PRKCA: variants seen among roughly 807,000 people sequenced by gnomAD.
The protein encoded by PRKCA is protein kinase C alpha.
PRKCA carries 27 observed loss-of-function variants against 87.0 expected under a neutral mutation model. The observed-to-expected ratio is 0.31, with a 90% CI of 0.23 to 0.43. The LOEUF is 0.43. Ranked by LOEUF, PRKCA falls within the 20% of genes least tolerant of loss-of-function variation. The probability of loss-of-function intolerance (pLI) is 1.00; values close to 1 mark genes in which losing one functional copy is unlikely to be tolerated. For missense variants in PRKCA, 518 were observed against 852.3 expected, an observed-to-expected ratio of 0.61 and a Z score of 4.88; for synonymous variants, 329 against 311.1, an observed-to-expected ratio of 1.06 and a Z score of -0.61.
At chr17:66,592,343 C>CAAAAAAAAAAAAAAAAAAAAA (rs71160581) in intron 3 of PRKCA, among the ~76,000 whole-genome samples, 2 of 82,360 alleles carry the variant, frequency 2.4e-5, no homozygotes, top group African/African-American at 5.8e-5. Flanking sequence ...TGATCCGTCT[C>CAAAAAAAAAAAAAAAAAAAAA]AAAAAAAAAA....
chr17:66,636,639 G>A (rs963964368), intron 3 of PRKCA, among the ~76,000 whole-genome samples: 2 of 152,216 alleles, frequency 1.3e-5, no homozygotes, highest in Non-Finnish European at 2.9e-5. Flanking sequence ...TGGGCACCTT[G>A]AAGTTTGCTC....
intron 3 of PRKCA, among the ~76,000 whole-genome samples, chr17:66,590,291 C>A (rs1341592000): frequency 6.6e-6 from 1 of 152,144 alleles, no homozygotes; most frequent in East Asian, 1.9e-4. Context: ...TAACATGATT[C>A]CCTTGACTAA....
chr17:66,430,030 T>G (rs1291404178), intron 2 of PRKCA, among the ~76,000 whole-genome samples: 1 of 152,132 alleles, frequency 6.6e-6, no homozygotes, highest in East Asian at 1.9e-4. Context: ...ACTCTTTATA[T>G]GATAGAGAAA....
rs140362200 is a variant in PRKCA at position 66,464,033 on chromosome 17, A to C, written c.206-32168A>C. Among the ~76,000 whole-genome samples the C allele has an allele frequency of 4.6e-5, 7 of 152,322 alleles. No homozygotes were observed. The East Asian group carries it at 1.4e-3, about 29-fold the overall frequency. On this transcript the variant is annotated intron_variant, in intron 2 of 16. Coordinates refer to ENST00000413366, the MANE Select transcript of PRKCA (RefSeq NM_002737.3). Reference sequence around the variant, plus strand: ...AGATCTTCTATGCTCCACCAATAGAAGATCCCTTTTTCTTCCAACCCTTAG... The same window carrying C: ...AGATCTTCTATGCTCCACCAATAGACGATCCCTTTTTCTTCCAACCCTTAG...
chr17:66,683,605 T>G (rs937073661), intron 5 of PRKCA, among the ~76,000 whole-genome samples: 15 of 150,070 alleles, frequency 1.0e-4, no homozygotes, highest in East Asian at 2.0e-4. Flanking sequence ...TATCTTTTTT[T>G]GGGGGGGTCG....
At chr17:66,797,076 G>T in intron 16 of PRKCA, 1 of 827,224 alleles carries the variant, frequency 1.2e-6, no homozygotes, top group Non-Finnish European at 1.5e-6. Flanking sequence ...TATTCTACAT[G>T]ACTGAGACGC....
chr17:66,325,402 G>C (rs1161180208), intron 2 of PRKCA, among the ~76,000 whole-genome samples: 1 of 152,122 alleles, frequency 6.6e-6, no homozygotes, highest in Non-Finnish European at 1.5e-5. Context: ...TTGCTTTCAT[G>C]GTCTTTTACA....
intron 8 of PRKCA, chr17:66,703,461 C>G (rs1172399489): frequency 6.6e-6 from 1 of 152,036 alleles, no homozygotes; most frequent in African/African-American, 2.4e-5. Flanking sequence ...GAAGGCTCTG[C>G]CTAAGGCTGT....
intron 3 of PRKCA, among the ~76,000 whole-genome samples, chr17:66,510,092 G>C (rs563413694): frequency 6.6e-6 from 1 of 152,124 alleles, no homozygotes; most frequent in Non-Finnish European, 1.5e-5. Context: ...GCAGAAAAGA[G>C]GGATGAGGAA....
chr17:66,450,000 G>A (rs1860009806), intron 2 of PRKCA, among the ~76,000 whole-genome samples: 2 of 151,870 alleles, frequency 1.3e-5, no homozygotes, highest in Admixed American at 1.3e-4. Flanking sequence ...ACCTTGGGGA[G>A]TGGGAGTGTT....
chr17:66,784,387 A>G (rs181054300), intron 14 of PRKCA, among the ~76,000 whole-genome samples: 1,922 of 152,318 alleles, frequency 0.013, 27 homozygotes, highest in Non-Finnish European at 0.02. Context: ...CTGGGACTAC[A>G]GGCGTGCGCC....
chr17:66,513,806 T>C (rs1966879002), intron 3 of PRKCA, among the ~76,000 whole-genome samples: 1 of 152,210 alleles, frequency 6.6e-6, no homozygotes, highest in African/African-American at 2.4e-5. Flanking sequence ...GTTATTGCCA[T>C]GATTGTCACT....
intron 2 of PRKCA, among the ~76,000 whole-genome samples, chr17:66,399,483 A>C (rs1033417067): frequency 1.3e-5 from 2 of 152,188 alleles, no homozygotes; most frequent in African/African-American, 4.8e-5. Flanking sequence ...CTAACATAAA[A>C]ATTACAATCT....
At chr17:66,441,162 CAAAAAAAA>C (rs199828612) in intron 2 of PRKCA, among the ~76,000 whole-genome samples, 6 of 107,176 alleles carry the variant, frequency 5.6e-5, no homozygotes, top group African/African-American at 2.4e-4. Context: ...ACTCTGTCTC[CAAAAAAAA>C]AAAAAAAAAA....
At chr17:66,525,459 C>A (rs930398715) in intron 3 of PRKCA, among the ~76,000 whole-genome samples, 1 of 152,144 alleles carries the variant, frequency 6.6e-6, no homozygotes, top group Non-Finnish European at 1.5e-5. Flanking sequence ...CACTTAGAGA[C>A]ACATTTTTGG....
chr17:66,767,744 A>C (rs1277120875), intron 13 of PRKCA, among the ~76,000 whole-genome samples: 1 of 152,020 alleles, frequency 6.6e-6, no homozygotes, highest in Non-Finnish European at 1.5e-5. Flanking sequence ...TGGGCTTTTA[A>C]TTGCCTCAAC....
intron 5 of PRKCA, 121 bp from the exon 6 acceptor site, chr17:66,686,990 C>T (rs1972645513): frequency 6.7e-6 from 6 of 890,340 alleles, no homozygotes; most frequent in Non-Finnish European, 1.0e-5. Context: ...TTGGCTTCCA[C>T]CATCTGTCTC....
intron 3 of PRKCA, among the ~76,000 whole-genome samples, chr17:66,534,615 C>G (rs1356939022): frequency 6.6e-6 from 1 of 151,960 alleles, no homozygotes. Context: ...TGCAGTGAGC[C>G]GAGATCACGC....
chr17:66,376,745 C>G (rs1161269988), intron 2 of PRKCA, among the ~76,000 whole-genome samples: 2 of 152,086 alleles, frequency 1.3e-5, no homozygotes, highest in Admixed American at 6.6e-5. Flanking sequence ...ATCTGGGGAG[C>G]CGTCCTGGGC....
Sources: allele counts gnomAD v4.1 joint callset (sites outside exome capture counted in the v4.1 genomes callset), GRCh38; gene constraint gnomAD v4.1.1; transcripts MANE v1.5; gene names NCBI Gene and HGNC (gene_info 2026-07-23, HGNC 2026-07-21).